Variants in PCDH9 observed in about 807,000 individuals in gnomAD.
The protein encoded by PCDH9 is protocadherin-9.
In PCDH9, 24 loss-of-function variants were observed where a neutral mutation model predicts 70.6. The ratio of observed to expected loss-of-function variants is 0.34; its 90% CI spans 0.25 to 0.48. The LOEUF is 0.48. Among genes scored for constraint, PCDH9 ranks in the 20% least tolerant of loss-of-function variants. The pLI is 0.99. For missense variants in PCDH9, 1,281 were observed against 1,503.6 expected (o/e 0.85, Z 2.45); for synonymous variants, 562 against 558.5 (o/e 1.01, Z -0.09).
At chr13:66,543,478 A>G (rs1040910475) in intron 4 of PCDH9, among the ~76,000 whole-genome samples, 1 of 152,010 alleles carries the variant, frequency 6.6e-6, no homozygotes, top group Non-Finnish European at 1.5e-5. Context: ...GAGACAGGAG[A>G]ATTGTTTGAA....
At chr13:66,656,975 G>A (rs2139006001) in intron 3 of PCDH9, among the ~76,000 whole-genome samples, 1 of 152,268 alleles carries the variant, frequency 6.6e-6, no homozygotes, top group Middle Eastern at 3.4e-3. Context: ...TGCAGCAGAA[G>A]AGCAAGTCAG....
chr13:66,788,849 C>T (rs1327747082), intron 3 of PCDH9, among the ~76,000 whole-genome samples: 2 of 152,046 alleles, frequency 1.3e-5, no homozygotes, highest in Non-Finnish European at 2.9e-5. Flanking sequence ...CCCAGCAACA[C>T]AGGACTCAGG....
chr13:67,028,260 C>G (rs1252398332), intron 2 of PCDH9, among the ~76,000 whole-genome samples: 2 of 148,286 alleles, frequency 1.3e-5, no homozygotes, highest in Admixed American at 1.3e-4. Flanking sequence ...GAGTTCATGT[C>G]CTTTGTAGGG....
chr13:66,835,594 C>T (rs1179308122), intron 3 of PCDH9, among the ~76,000 whole-genome samples: 3 of 152,108 alleles, frequency 2.0e-5, no homozygotes, highest in Non-Finnish European at 2.9e-5. Context: ...TGTTATATGC[C>T]GGGTTAACTT....
At chr13:67,205,857 T>A (rs1566494965) in intron 2 of PCDH9, 1 of 152,210 alleles carries the variant, frequency 6.6e-6, no homozygotes. Context: ...AATTTTACTA[T>A]ATAACTGAAA....
chr13:66,624,032 A>G (rs563942654), intron 4 of PCDH9, among the ~76,000 whole-genome samples: 5 of 152,366 alleles, frequency 3.3e-5, no homozygotes, highest in African/African-American at 1.2e-4. Context: ...ATGATTAAAC[A>G]GCAGAAAATC....
At chr13:66,611,800 A>G (rs1434842594) in intron 4 of PCDH9, among the ~76,000 whole-genome samples, 1 of 152,216 alleles carries the variant, frequency 6.6e-6, no homozygotes, top group African/African-American at 2.4e-5. Flanking sequence ...TTTCATAATA[A>G]CAGCTAACAT....
intron 4 of PCDH9, among the ~76,000 whole-genome samples, chr13:66,622,769 C>A (rs749142724): frequency 1.3e-5 from 2 of 152,136 alleles, no homozygotes; most frequent in Non-Finnish European, 2.9e-5. Context: ...GCAGGCTGCC[C>A]GGGCAGGCAG....
chr13:66,570,764 C>T (rs1016069382), intron 4 of PCDH9, among the ~76,000 whole-genome samples: 2 of 152,038 alleles, frequency 1.3e-5, no homozygotes, highest in African/African-American at 2.4e-5. Context: ...TTGAAGACAA[C>T]AGAATCCAAA....
Position 66,754,837 on chromosome 13 carries a change from A to C in PCDH9, c.3139-123426T>G, listed in dbSNP as rs960996135. ...CCAGGAAAGATATTACATGCATACTATATATTTATAAATACATGTGTCATA... is the reference window on the plus strand; with the variant it reads ...CCAGGAAAGATATTACATGCATACTCTATATTTATAAATACATGTGTCATA... On this transcript the variant is annotated intron_variant, in intron 3 of 4. Coordinates refer to ENST00000377865, the MANE Select transcript of PCDH9 (RefSeq NM_203487.3). Among the ~76,000 whole-genome samples, 2 of 152,288 alleles carry C rather than the reference A, an allele frequency of 1.3e-5. 1 individual carries two copies. Among genetic ancestry groups the C allele is most frequent in the Admixed American group, 1.3e-4 (2 of 15,280 alleles).
At position 67,172,172 on chromosome 13, in the gene PCDH9, T is replaced by C. The variant is rs552978509; in HGVS notation, c.3036+53233A>G. On this transcript the variant is annotated intron_variant, in intron 2 of 4. Transcript: ENST00000377865. Reference sequence around the variant, plus strand: ...GGTACTATTTCAGGCACCCTTACTGTCCTTCAAATCTCAAGTAAATGTTAA... The same window carrying C: ...GGTACTATTTCAGGCACCCTTACTGCCCTTCAAATCTCAAGTAAATGTTAA... Among the ~76,000 whole-genome samples, 12 of 152,272 alleles carry C rather than the reference T, an allele frequency of 7.9e-5. 1 individual carries two copies. The highest frequency in any genetic ancestry group is 4.1e-4 in the South Asian group (2 of 4,824).
At chr13:66,582,085 A>C (rs912233270) in intron 4 of PCDH9, among the ~76,000 whole-genome samples, 5 of 152,102 alleles carry the variant, frequency 3.3e-5, no homozygotes, top group African/African-American at 1.2e-4. Flanking sequence ...TTACACACCT[A>C]ACCTATCATA....
At chr13:66,981,310 A>C (rs1025378072) in intron 2 of PCDH9, among the ~76,000 whole-genome samples, 34 of 151,752 alleles carry the variant, frequency 2.2e-4, no homozygotes, top group Admixed American at 5.3e-4. Flanking sequence ...TGGTGGCAGG[A>C]GCCTGTAGTC....
chr13:66,827,291 T>G (rs1481161961), intron 3 of PCDH9, among the ~76,000 whole-genome samples: 2 of 151,720 alleles, frequency 1.3e-5, no homozygotes, highest in Admixed American at 1.3e-4. Context: ...TAACTTTGGT[T>G]GTTTTAAGCC....
intron 4 of PCDH9, among the ~76,000 whole-genome samples, chr13:66,350,512 C>T (rs868202635): frequency 6.6e-6 from 1 of 152,126 alleles, no homozygotes; most frequent in Non-Finnish European, 1.5e-5. Context: ...TCTTCTCTAA[C>T]TGTATTTGTT....
At chr13:66,411,062 T>C (rs375519399) in intron 4 of PCDH9, among the ~76,000 whole-genome samples, 2 of 152,208 alleles carry the variant, frequency 1.3e-5, no homozygotes, top group Non-Finnish European at 2.9e-5. Context: ...TTTCACTTCA[T>C]ATTACCTTTT....
intron 4 of PCDH9, among the ~76,000 whole-genome samples, chr13:66,543,494 G>A (rs987920778): frequency 6.6e-6 from 1 of 151,888 alleles, no homozygotes; most frequent in Non-Finnish European, 1.5e-5. Context: ...TTGAACCCAG[G>A]AGGTTGAGGT....
chr13:66,465,787 T>G (rs1295693361), intron 4 of PCDH9, among the ~76,000 whole-genome samples: 6 of 151,926 alleles, frequency 3.9e-5, no homozygotes, highest in Non-Finnish European at 8.8e-5. Flanking sequence ...AATAAATGCA[T>G]AAGTTTCTAA....
chr13:66,916,324 G>A (rs1188139549), intron 2 of PCDH9, among the ~76,000 whole-genome samples: 1 of 151,534 alleles, frequency 6.6e-6, no homozygotes, highest in East Asian at 1.9e-4. Context: ...AAATAGACTA[G>A]ATTTAGACCA....
Sources: gnomAD v4.1 joint callset for allele counts (sites outside exome capture counted in the v4.1 genomes callset) on GRCh38, gnomAD v4.1.1 for gene constraint, MANE v1.5 for transcripts, NCBI Gene and HGNC (gene_info 2026-07-23, HGNC 2026-07-21) for gene names.